Variants in LRRN4CL observed in about 807,000 individuals in gnomAD.
LRRN4CL encodes the protein LRRN4 C-terminal like, also known as LRRN4 C-terminal-like protein.
For synonymous variants in LRRN4CL, 156 were observed against 154.1 expected (o/e 1.01, Z -0.09); for missense variants, 348 against 336.4 (o/e 1.03, Z -0.27).
chr11:62,688,537 TAAAGCCTGTTCAGCCCA>T, intron 1 of LRRN4CL, 24 bp from the exon 2 acceptor site: 2 of 1,549,672 alleles, frequency 1.3e-6, no homozygotes, highest in Non-Finnish European at 8.7e-7. Context: ...GGTGGATAGA[TAAAGCCTGTTCAGCCCA>T]AAAGCCTGCC....
chr11:62,688,569 C>T (rs887119290), intron 1 of LRRN4CL, 56 bp from the exon 2 acceptor site: 2 of 1,335,068 alleles, frequency 1.5e-6, no homozygotes, highest in Non-Finnish European at 2.0e-6. Flanking sequence ...CCTGCCATGC[C>T]CTCTGCCTGG....
At chr11:62,688,589 C>A in intron 1 of LRRN4CL, 76 bp from the exon 2 acceptor site, 1 of 1,174,032 alleles carries the variant, frequency 8.5e-7, no homozygotes, top group South Asian at 1.6e-5. Context: ...GACACAATCT[C>A]TGGAGACAGG....
At position 62,687,352 on chromosome 11, in the gene LRRN4CL, T is replaced by A. The variant is rs1945207541; in HGVS notation, c.*440A>T. 6.0e-6 allele frequency: 1 copy of A among 165,634 alleles called. No homozygotes were observed. The highest frequency in any genetic ancestry group is 2.4e-5 in the African/African-American group (1 of 42,008). The allele number at this position is 165,634 out of a possible 1,614,324, so 10.3% of individuals were successfully genotyped here. ...CTGTGTTGCCCTGGCTGGACTGGAC[T>A]CCAACTCCTGGGCTCAAGAGATCCT... On this transcript the variant is annotated 3_prime_UTR_variant, in exon 2 of 2. Transcript: ENST00000317449.
chr11:62,688,548 C>T, intron 1 of LRRN4CL, 35 bp from the exon 2 acceptor site: 1 of 1,510,880 alleles, frequency 6.6e-7, no homozygotes. Context: ...AAAGCCTGTT[C>T]AGCCCAAAAG....
Position 62,687,906 on chromosome 11 carries a change from C to G in LRRN4CL, c.603G>C (p.Gly201=). The part of the protein sequence containing the change: ...NPRTLVHAAV[G]VGTALALLSC... The stretch of plus-strand genomic sequence containing the variant: ...TTAGCAGGGCCAGGGCCGTGCCCAC[C>G]CCGACGGCCGCGTGGACCAGAGTGC... Residue 201 remains glycine, a synonymous_variant, in exon 2 of 2, where the codon GGG becomes GGC. Transcript: ENST00000317449. 1 of 1,503,256 alleles carries G rather than the reference C, an allele frequency of 6.7e-7. No individual in the cohort carries two copies. Among genetic ancestry groups the G allele is most frequent in the Non-Finnish European group, 8.9e-7 (1 of 1,128,282 alleles). 93.1% of individuals were successfully genotyped at this position (1,503,256 alleles called of 1,614,324 possible).
At position 62,687,812 on chromosome 11, in the gene LRRN4CL, G is replaced by T; in HGVS notation, c.697C>A (p.Arg233=). The stretch of plus-strand genomic sequence containing the variant: ...CCCTTTCAGAGCGCCCCTGCGGCTC[G>T]GGCGGCGGCTCGGCGCGGGCAGCCC... ...RWGCPRRAAA[R]AAGAL is the part of the protein sequence containing the mutation. The change falls in exon 2 of 2, where the codon CGA becomes AGA. Residue 233 remains arginine (R), a synonymous_variant. Coordinates refer to ENST00000317449, the MANE Select transcript of LRRN4CL (RefSeq NM_203422.4). 2 of 1,396,074 alleles carry T rather than the reference G, an allele frequency of 1.4e-6. No individual in the cohort carries two copies. Among genetic ancestry groups the T allele is most frequent in the South Asian group, 1.6e-5 (1 of 61,200 alleles). The allele number at this position is 1,396,074 out of a possible 1,614,324, so 86.5% of individuals were successfully genotyped here.
chr11:62,687,931 C>CG lies in LRRN4CL; in HGVS notation c.577dup (p.Arg193ProfsTer122). On this transcript the variant is annotated frameshift_variant, in exon 2 of 2. Coordinates refer to ENST00000317449, the MANE Select transcript of LRRN4CL (RefSeq NM_203422.4). LOFTEE classifies it low-confidence loss of function (END_TRUNC). The stretch of plus-strand genomic sequence containing the variant: ...CCCGACGGCCGCGTGGACCAGAGTG[C>CG]GGGGGTTGGGCGGCACCGCAAGGCG... The CG allele has an allele frequency of 6.4e-7, 1 of 1,551,320 alleles. No homozygotes were observed. Among genetic ancestry groups the CG allele is most frequent in the Non-Finnish European group, 8.7e-7 (1 of 1,150,384 alleles).
chr11:62,687,501 C>A lies in LRRN4CL; in HGVS notation c.*291G>T. 2 of 353,092 alleles carry A rather than the reference C, an allele frequency of 5.7e-6. No individual in the cohort carries two copies. Among genetic ancestry groups the A allele is most frequent in the Non-Finnish European group, 5.0e-6 (1 of 198,878 alleles). 21.9% of individuals were successfully genotyped at this position (353,092 alleles called of 1,614,324 possible). ...CACATAATAATATCCTCCATTTTAT[C>A]CTCTTAAACCGCAAAGGTTACATTA... On this transcript the variant is annotated 3_prime_UTR_variant, in exon 2 of 2. Coordinates refer to ENST00000317449, the MANE Select transcript of LRRN4CL (RefSeq NM_203422.4).
chr11:62,688,336 A>C lies in LRRN4CL; in HGVS notation c.173T>G (p.Val58Gly). The change falls in exon 2 of 2, where the codon GTG (valine) becomes GGG (glycine). Residue 58 changes from valine (V) to glycine (G), a missense_variant. Val to Gly is a moderately radical substitution (Grantham distance 109). Coordinates refer to ENST00000317449, the MANE Select transcript of LRRN4CL (RefSeq NM_203422.4). ...GACCCTCTGTAGCTCCTTGCAGGGC[A>C]CCTGCAGGTGTCGGCAGTGGTCGTA... ...CDYDHCRHLQ[V>G]PCKELQRVGP... 1 of 1,609,340 alleles carries C rather than the reference A, an allele frequency of 6.2e-7. No individual in the cohort carries two copies. Among genetic ancestry groups the C allele is most frequent in the Middle Eastern group, 1.7e-4 (1 of 6,056 alleles).
At position 62,687,686 on chromosome 11, in the gene LRRN4CL, T is replaced by C; in HGVS notation, c.*106A>G. On this transcript the variant is annotated 3_prime_UTR_variant, in exon 2 of 2. Coordinates refer to ENST00000317449, the MANE Select transcript of LRRN4CL (RefSeq NM_203422.4). ...CTGGAGCCTGGGGCTGGCTCCCAGCTCGCCGTCCAGCCCTCCCTGGAGGCA... is the reference window on the plus strand; with the variant it reads ...CTGGAGCCTGGGGCTGGCTCCCAGCCCGCCGTCCAGCCCTCCCTGGAGGCA... The C allele has an allele frequency of 1.0e-6, 1 of 991,080 alleles. No individual in the cohort carries two copies. Among genetic ancestry groups the C allele is most frequent in the Non-Finnish European group, 1.4e-6 (1 of 740,032 alleles). The allele number at this position is 991,080 out of a possible 1,614,324, so 61.4% of individuals were successfully genotyped here.
chr11:62,687,921 G>C lies in LRRN4CL; in HGVS notation c.588C>G (p.Val196=), dbSNP rs756145662. The change falls in exon 2 of 2, where the codon GTC becomes GTG. Residue 196 remains valine (V), a synonymous_variant. Coordinates refer to ENST00000317449, the MANE Select transcript of LRRN4CL (RefSeq NM_203422.4). The part of the protein sequence containing the change: ...LAVPPNPRTL[V]HAAVGVGTAL... Reference sequence around the variant, plus strand: ...CCGTGCCCACCCCGACGGCCGCGTGGACCAGAGTGCGGGGGTTGGGCGGCA... The same window carrying C: ...CCGTGCCCACCCCGACGGCCGCGTGCACCAGAGTGCGGGGGTTGGGCGGCA... 1 of 1,531,240 alleles carries C rather than the reference G, an allele frequency of 6.5e-7. No individual in the cohort carries two copies. The highest frequency in any genetic ancestry group is 1.3e-5 in the South Asian group (1 of 78,816). 94.9% of individuals were successfully genotyped at this position (1,531,240 alleles called of 1,614,324 possible).
chr11:62,687,815 C>G lies in LRRN4CL; in HGVS notation c.694G>C (p.Ala232Pro). The change falls in exon 2 of 2, where the codon GCC becomes CCC. Residue 232 changes from alanine (A) to proline (P), a missense_variant. Ala to Pro is a conservative substitution (Grantham distance 27, BLOSUM62 -1). Coordinates refer to ENST00000317449, the MANE Select transcript of LRRN4CL (RefSeq NM_203422.4). ...DRWGCPRRAA[A>P]RAAGAL is the part of the protein sequence containing the mutation. Reference sequence around the variant, plus strand: ...TTTCAGAGCGCCCCTGCGGCTCGGGCGGCGGCTCGGCGCGGGCAGCCCCAG... The same window carrying G: ...TTTCAGAGCGCCCCTGCGGCTCGGGGGGCGGCTCGGCGCGGGCAGCCCCAG... 2 of 1,398,072 alleles carry G rather than the reference C, an allele frequency of 1.4e-6. No individual in the cohort carries two copies. The highest frequency in any genetic ancestry group is 9.2e-7 in the Non-Finnish European group (1 of 1,087,326). The allele number at this position is 1,398,072 out of a possible 1,614,324, so 86.6% of individuals were successfully genotyped here.
At position 62,687,990 on chromosome 11, in the gene LRRN4CL, C is replaced by T; in HGVS notation, c.519G>A (p.Glu173=). The T allele has an allele frequency of 3.1e-6, 5 of 1,609,768 alleles. No individual in the cohort carries two copies. Among genetic ancestry groups the T allele is most frequent in the Non-Finnish European group, 4.2e-6 (5 of 1,178,316 alleles). ...RVPQAGGEGL[E]GADIPAFGPC... ...GCCCGAAGGCAGGGATGTCGGCCCC[C>T]TCGAGGCCCTCTCCTCCAGCCTGGG... Residue 173 remains glutamate, a synonymous_variant, in exon 2 of 2, where the codon GAG becomes GAA. Transcript: ENST00000317449.
rs1233980665 is a variant in LRRN4CL, at chr11:62,688,030, C to T, written c.479G>A (p.Gly160Glu). 1.2e-6 allele frequency: 2 copies of T among 1,612,392 alleles called. No individual in the cohort carries two copies. The highest frequency in any genetic ancestry group is 1.3e-5 in the African/African-American group (1 of 74,950). Reference protein sequence around the residue: ...VVCVVAANEAGASRVPQAGGE... With the variant: ...VVCVVAANEAEASRVPQAGGE... ...TCCAGCCTGGGGCACGCGGCTTGCC[C>T]CGGCCTCGTTAGCGGCCACTACGCA... Residue 160 changes from glycine to glutamate, a missense_variant, in exon 2 of 2, where the codon GGG becomes GAG. Physicochemically the swap from Gly to Glu is moderately conservative, Grantham distance 98. Transcript: ENST00000317449.
intron 1 of LRRN4CL, among the ~76,000 whole-genome samples, chr11:62,689,001 C>T (rs1945239929): frequency 6.6e-6 from 1 of 152,032 alleles, no homozygotes; most frequent in South Asian, 2.1e-4. Flanking sequence ...CACAGAGAGA[C>T]CCCATCTCTA....
rs771557146 is a variant in LRRN4CL, at chr11:62,688,059, G to C, written c.450C>G (p.Val150=). ...LKGLKPGGIY[V]VCVVAANEAG... ...CCTCGTTAGCGGCCACTACGCAAAC[G>C]ACATAAATGCCCCCTGGCTTCAGCC... Residue 150 remains valine, a synonymous_variant, in exon 2 of 2, where the codon GTC becomes GTG. Coordinates refer to ENST00000317449, the MANE Select transcript of LRRN4CL (RefSeq NM_203422.4). The C allele has an allele frequency of 1.2e-6, 2 of 1,612,638 alleles. No homozygotes were observed. The highest frequency in any genetic ancestry group is 1.7e-5 in the Admixed American group (1 of 60,028).
In LRRN4CL at chr11:62,688,195, C is replaced by T. The variant is rs1294031733; in HGVS notation, c.314G>A (p.Cys105Tyr). The change falls in exon 2 of 2, where the codon TGT becomes TAT. Residue 105 changes from cysteine to tyrosine, a missense_variant. Coordinates refer to ENST00000317449, the MANE Select transcript of LRRN4CL (RefSeq NM_203422.4). Reference protein sequence around the residue: ...AEEGRAVVHWCAPFSPVLHYW... With the variant: ...AEEGRAVVHWYAPFSPVLHYW... Reference sequence around the variant, plus strand: ...GTGGAGGACCGGGGAGAAGGGGGCACACCAGTGGACCACTGCGCGGCCCTC... The same window carrying T: ...GTGGAGGACCGGGGAGAAGGGGGCATACCAGTGGACCACTGCGCGGCCCTC... 6.2e-7 allele frequency: 1 copy of T among 1,612,246 alleles called. No individual in the cohort carries two copies. Among genetic ancestry groups the T allele is most frequent in the African/African-American group, 1.3e-5 (1 of 74,936 alleles).
At chr11:62,689,268 A>T (rs1373377429) in intron 1 of LRRN4CL, among the ~76,000 whole-genome samples, 159 bp downstream of exon 1, 4 of 152,184 alleles carry the variant, frequency 2.6e-5, no homozygotes, top group African/African-American at 9.7e-5. Context: ...AACAGAATGG[A>T]GAAATATTGT....
In LRRN4CL at chr11:62,686,768, T is replaced by C. The variant is rs1945200762; in HGVS notation, c.*1024A>G. The C allele has an allele frequency of 6.6e-6, 1 of 152,252 alleles. No individual in the cohort carries two copies. Among genetic ancestry groups the C allele is most frequent in the African/African-American group, 2.4e-5 (1 of 41,476 alleles). The allele number at this position is 152,252 out of a possible 1,614,324, so 9.4% of individuals were successfully genotyped here. ...TCACTGCAAGATCCGCCTCCCGGGTTCACGCCATTCTCCTGCCTCAGCCTC... is the reference window on the plus strand; with the variant it reads ...TCACTGCAAGATCCGCCTCCCGGGTCCACGCCATTCTCCTGCCTCAGCCTC... On this transcript the variant is annotated 3_prime_UTR_variant, in exon 2 of 2. Coordinates refer to ENST00000317449, the MANE Select transcript of LRRN4CL (RefSeq NM_203422.4).
Sources: allele counts gnomAD v4.1 joint callset (sites outside exome capture counted in the v4.1 genomes callset), GRCh38; gene constraint gnomAD v4.1.1; transcripts MANE v1.5; gene names NCBI Gene and HGNC (gene_info 2026-07-23, HGNC 2026-07-21).